The following MARK1 variants were observed in gnomAD, a reference collection of about 807,000 sequenced individuals.
MARK1 encodes the protein serine/threonine-protein kinase MARK1.
A neutral mutation model predicts 96.3 loss-of-function variants in MARK1; 40 were observed. The observed-to-expected ratio is 0.42, with a 90% CI of 0.32 to 0.54. The LOEUF is 0.54. Ranked by LOEUF, MARK1 falls within the 20% of genes least tolerant of loss-of-function variation. The pLI is 0.16. For synonymous variants in MARK1, 317 were observed against 341.2 expected, an observed-to-expected ratio of 0.93 and a Z score of 0.78; for missense variants, 719 against 984.6, an observed-to-expected ratio of 0.73 and a Z score of 3.61.
At chr1:220,627,323 A>G (rs538471913) in intron 9 of MARK1, 26 of 503,206 alleles carry the variant, frequency 5.2e-5, no homozygotes, top group African/African-American at 5.1e-4. Flanking sequence ...AAAAAAGCCA[A>G]GAGAGTCAAA....
intron 3 of MARK1, among the ~76,000 whole-genome samples, chr1:220,583,338 A>G (rs1194076464): frequency 1.3e-5 from 2 of 152,192 alleles, no homozygotes; most frequent in Non-Finnish European, 2.9e-5. Context: ...TCCTTTGCAA[A>G]CATCAATGAT....
At chr1:220,648,482 G>A (rs563907365) in intron 13 of MARK1, among the ~76,000 whole-genome samples, 1 of 152,280 alleles carries the variant, frequency 6.6e-6, no homozygotes, top group African/African-American at 2.4e-5. Context: ...ATTTCCTTGG[G>A]GAAATACAAC....
At chr1:220,570,443 AAGAAGTATTGCTGATATATCTAATACT>A (rs1663365426) in intron 1 of MARK1, among the ~76,000 whole-genome samples, 2 of 152,142 alleles carry the variant, frequency 1.3e-5, no homozygotes, top group African/African-American at 2.4e-5. Flanking sequence ...ATATCTTCTT[AAGAAGTATTGCTGATATATCTAATACT>A]ACTGCTTTGT....
At chr1:220,554,919 T>C (rs1026104674) in intron 1 of MARK1, among the ~76,000 whole-genome samples, 4 of 152,228 alleles carry the variant, frequency 2.6e-5, no homozygotes, top group African/African-American at 9.6e-5. Flanking sequence ...GCAATATTGC[T>C]TTTGGTTTAC....
intron 1 of MARK1, among the ~76,000 whole-genome samples, chr1:220,553,642 C>T (rs1219093195): frequency 6.6e-6 from 1 of 152,222 alleles, no homozygotes; most frequent in African/African-American, 2.4e-5. Context: ...ACACCCAGCT[C>T]ATAATGGGAA....
At chr1:220,576,543 C>T (rs1427619118) in intron 1 of MARK1, 2 of 152,088 alleles carry the variant, frequency 1.3e-5, no homozygotes, top group Admixed American at 1.3e-4. Flanking sequence ...ATTAATAATA[C>T]AGTCCATCAA....
At chr1:220,548,480 C>T (rs919038683) in intron 1 of MARK1, among the ~76,000 whole-genome samples, 2 of 152,168 alleles carry the variant, frequency 1.3e-5, no homozygotes, top group African/African-American at 4.8e-5. Context: ...TGGCTCACAC[C>T]TGTAATCCCA....
chr1:220,612,165 G>T (rs1244083649), intron 6 of MARK1, among the ~76,000 whole-genome samples: 2 of 152,110 alleles, frequency 1.3e-5, no homozygotes, highest in African/African-American at 2.4e-5. Context: ...AAAGATTATT[G>T]CTACTTATTT....
intron 1 of MARK1, among the ~76,000 whole-genome samples, chr1:220,532,244 T>G (rs1660367171): frequency 6.6e-6 from 1 of 152,216 alleles, no homozygotes; most frequent in Non-Finnish European, 1.5e-5. Flanking sequence ...GATTACCTAT[T>G]GTAACTAAGG....
chr1:220,575,972 A>G (rs1397128378), intron 1 of MARK1, among the ~76,000 whole-genome samples: 4 of 15,734 alleles, frequency 2.5e-4, no homozygotes, highest in African/African-American at 1.0e-3. Flanking sequence ...TCCTTAGGGA[A>G]TTGACCGTAT....
chr1:220,600,917 G>T (rs746502341), intron 5 of MARK1, among the ~76,000 whole-genome samples: 1 of 150,018 alleles, frequency 6.7e-6, no homozygotes. Flanking sequence ...TTTTGAGACG[G>T]AGTCTTGCCC....
chr1:220,659,838 T>C (rs1322288428), intron 17 of MARK1, among the ~76,000 whole-genome samples: 2 of 152,210 alleles, frequency 1.3e-5, no homozygotes, highest in African/African-American at 4.8e-5. Flanking sequence ...TTGCCTAGGC[T>C]GGAGTGCAGT....
At chr1:220,596,708 T>C (rs144862371) in intron 3 of MARK1, among the ~76,000 whole-genome samples, 1,723 of 152,300 alleles carry the variant, frequency 0.011, 14 homozygotes, top group Middle Eastern at 0.027. Context: ...TGTGGTAAAA[T>C]ATACCTAACA....
rs1178830002 is a variant in MARK1, at chr1:220,528,594, G to A, written c.-229G>A. On this transcript the variant is annotated 5_prime_UTR_variant, in exon 1 of 18. Transcript: ENST00000366917. ...TCGCCCGAAGCCCTCCCTCGTTACT[G>A]TCCGCATACCCCGGCGGCGCCGCCG... The A allele has an allele frequency of 1.0e-5, 5 of 486,256 alleles. No individual in the cohort carries two copies. Among genetic ancestry groups the A allele is most frequent in the Admixed American group, 8.8e-5 (2 of 22,736 alleles). The allele number at this position is 486,256 out of a possible 1,614,324, so 30.1% of individuals were successfully genotyped here.
intron 1 of MARK1, among the ~76,000 whole-genome samples, chr1:220,546,346 T>G (rs1661491046): frequency 6.6e-6 from 1 of 152,178 alleles, no homozygotes; most frequent in Non-Finnish European, 1.5e-5. Context: ...GTATTGCGAG[T>G]ATGGTTACAG....
chr1:220,625,852 C>G, intron 9 of MARK1: 1 of 468,886 alleles, frequency 2.1e-6, no homozygotes. Flanking sequence ...ATCTACTACT[C>G]ACAATTTGCT....
At chr1:220,631,959 T>C (rs1667702988) in intron 10 of MARK1, among the ~76,000 whole-genome samples, 2 of 152,272 alleles carry the variant, frequency 1.3e-5, no homozygotes, top group South Asian at 4.1e-4. Flanking sequence ...CAATGAGAAA[T>C]TAAGTGGGCC....
intron 1 of MARK1, among the ~76,000 whole-genome samples, chr1:220,539,602 G>C (rs932525791): frequency 6.6e-6 from 1 of 152,076 alleles, no homozygotes. Flanking sequence ...AATTGTGTCA[G>C]TGCTTTTTCT....
At chr1:220,586,663 T>C (rs1335645670) in intron 3 of MARK1, among the ~76,000 whole-genome samples, 1 of 152,200 alleles carries the variant, frequency 6.6e-6, no homozygotes, top group Non-Finnish European at 1.5e-5. Flanking sequence ...TCCATTTCTA[T>C]GTTCTCAAGA....
Sources: gnomAD v4.1 joint callset for allele counts (sites outside exome capture counted in the v4.1 genomes callset) on GRCh38, gnomAD v4.1.1 for gene constraint, MANE v1.5 for transcripts, NCBI Gene and HGNC (gene_info 2026-07-23, HGNC 2026-07-21) for gene names.